The following STAR variants were observed in gnomAD, a reference collection of about 807,000 sequenced individuals.
STAR encodes steroidogenic acute regulatory protein.
A neutral mutation model predicts 32.3 loss-of-function variants in STAR; 32 were observed. That is an observed-to-expected ratio of 0.99 (90% CI 0.75 to 1.33). The LOEUF is 1.33. Ranked by LOEUF, STAR falls within the 40% of genes most tolerant of loss-of-function variation. The pLI, the probability that STAR is intolerant of heterozygous loss-of-function variation, is 0.00. For missense variants in STAR, 375 were observed against 379.0 expected (o/e 0.99, Z 0.09); for synonymous variants, 134 against 140.5 (o/e 0.95, Z 0.33).
intron 6 of STAR, 99 bp from the exon 7 acceptor site, chr8:38,144,485 G>C (rs183292899): frequency 6.5e-7 from 1 of 1,531,018 alleles, no homozygotes; most frequent in Non-Finnish European, 8.8e-7. Flanking sequence ...CTTGGTCTTC[G>C]AGCTCTGTTA....
chr8:38,146,541 G>A, intron 3 of STAR, 94 bp from the exon 4 acceptor site: 1 of 1,396,528 alleles, frequency 7.2e-7, no homozygotes, highest in South Asian at 1.2e-5. Context: ...ACTTTGGGAG[G>A]CCAAGGTGGG....
intron 3 of STAR, among the ~76,000 whole-genome samples, chr8:38,147,508 G>A (rs1424834288): frequency 6.6e-6 from 1 of 152,200 alleles, no homozygotes; most frequent in East Asian, 1.9e-4. Context: ...GTCAGTGATT[G>A]GCCCAGGGAC....
intron 1 of STAR, among the ~76,000 whole-genome samples, chr8:38,150,080 C>G (rs1802640774): frequency 1.3e-5 from 2 of 152,006 alleles, no homozygotes; most frequent in Admixed American, 1.3e-4. Context: ...CAGAGTGAGA[C>G]TCCATCTCAA....
chr8:38,146,166 C>G lies in STAR; in HGVS notation c.466-19G>C. 6.2e-7 allele frequency: 1 copy of G among 1,613,760 alleles called. No homozygotes were observed. Among genetic ancestry groups the G allele is most frequent in the Non-Finnish European group, 8.5e-7 (1 of 1,179,896 alleles). On this transcript the variant is annotated intron_variant, in intron 4 of 6. Coordinates refer to ENST00000276449, the MANE Select transcript of STAR (RefSeq NM_000349.3). ...GCAGGACCTACCAGGCCATGGGGAA[C>G]CAGAATCACGACTCAGCCTGTGTTG... is the stretch of plus-strand genomic sequence containing the variant.
chr8:38,147,525 C>T (rs912877755), intron 3 of STAR, among the ~76,000 whole-genome samples: 3 of 152,234 alleles, frequency 2.0e-5, no homozygotes, highest in Admixed American at 6.5e-5. Flanking sequence ...GGACCCTTAA[C>T]TAAGAGCAGT....
At chr8:38,144,440 G>C in intron 6 of STAR, 54 bp from the exon 7 acceptor site, 1 of 1,550,266 alleles carries the variant, frequency 6.5e-7, no homozygotes, top group Non-Finnish European at 8.7e-7. Context: ...GCCCACTCTT[G>C]ACACTGCACC....
chr8:38,148,992 G>A, intron 1 of STAR: 1 of 544,190 alleles, frequency 1.8e-6, no homozygotes, highest in Non-Finnish European at 3.3e-6. Flanking sequence ...GGCCCTGCCT[G>A]GAGATGGGCT....
At chr8:38,146,250 C>T (rs1378263746) in intron 4 of STAR, 39 bp downstream of exon 4, 2 of 1,613,972 alleles carry the variant, frequency 1.2e-6, no homozygotes, top group South Asian at 1.1e-5. Flanking sequence ...ACACTGGGCT[C>T]TCCTGGGCCC....
In STAR at chr8:38,145,213, G is replaced by A. The variant is rs757187113; in HGVS notation, c.744+9C>T. On this transcript the variant is annotated intron_variant, in intron 6 of 6. Coordinates refer to ENST00000276449, the MANE Select transcript of STAR (RefSeq NM_000349.3). ...CCTGCCTTCCAGGTCCCCCTCCCAT[G>A]CCCTTCACCTTGAGGTCGATGCTGA... The A allele has an allele frequency of 6.2e-7, 1 of 1,614,032 alleles. No individual in the cohort carries two copies. The highest frequency in any genetic ancestry group is 2.2e-5 in the East Asian group (1 of 44,868).
At chr8:38,145,414 T>G in intron 5 of STAR, 99 bp from the exon 6 acceptor site, 1 of 1,522,526 alleles carries the variant, frequency 6.6e-7, no homozygotes, top group Non-Finnish European at 9.0e-7. Context: ...CTACGGTACC[T>G]TGTCTTTTCT....
intron 2 of STAR, 124 bp from the exon 3 acceptor site, chr8:38,148,451 C>A: frequency 6.6e-7 from 1 of 1,515,984 alleles, no homozygotes; most frequent in Non-Finnish European, 9.0e-7. Context: ...TAGGGGCCAG[C>A]CTGCTGGTCG....
intron 1 of STAR, among the ~76,000 whole-genome samples, chr8:38,149,359 GA>G (rs1231447431): frequency 1.3e-5 from 2 of 152,184 alleles, no homozygotes; most frequent in Non-Finnish European, 2.9e-5. Flanking sequence ...AGTGTAATTG[GA>G]AAGATCGTGC....
Position 38,146,335 on chromosome 8 carries a change from C to A in STAR, c.419G>T (p.Arg140Leu). The A allele has an allele frequency of 1.2e-6, 2 of 1,614,132 alleles. No homozygotes were observed. Among genetic ancestry groups the A allele is most frequent in the Non-Finnish European group, 1.7e-6 (2 of 1,180,040 alleles). ...MERLYEELVE[R>L]MEAMGEWNPN... ...GTTCCACTCCCCCATTGCTTCCATG[C>A]GCTCCACGAGCTCTTCATAGAGCCT... is the stretch of plus-strand genomic sequence containing the variant. The change falls in exon 4 of 7, where the codon CGC (arginine) becomes CTC (leucine). Residue 140 changes from arginine (R) to leucine (L), a missense_variant. Transcript: ENST00000276449.
rs2130611314 is a variant in STAR, at chr8:38,144,403, G to T, written c.745-17C>A. 6.4e-7 allele frequency: 1 copy of T among 1,573,464 alleles called. No homozygotes were observed. The highest frequency in any genetic ancestry group is 1.2e-5 in the South Asian group (1 of 85,758). On this transcript the variant is annotated splice_polypyrimidine_tract_variant and intron_variant, in intron 6 of 6. Coordinates refer to ENST00000276449, the MANE Select transcript of STAR (RefSeq NM_000349.3). ...CAGCCACCCCTGCAGTAGGAGGTAG[G>T]AGAATTTGGCCATCTTGTGGGTTTT...
In STAR at chr8:38,144,387, C is replaced by G. The variant is rs374297649; in HGVS notation, c.745-1G>C. On this transcript the variant is annotated splice_acceptor_variant, in intron 6 of 6. Coordinates refer to ENST00000276449, the MANE Select transcript of STAR (RefSeq NM_000349.3). LOFTEE classifies it high-confidence loss of function. ...TGATGATGCTCTTGGGCAGCCACCCCTGCAGTAGGAGGTAGGAGAATTTGG... is the reference window on the plus strand; with the variant it reads ...TGATGATGCTCTTGGGCAGCCACCCGTGCAGTAGGAGGTAGGAGAATTTGG... 1.9e-6 allele frequency: 3 copies of G among 1,589,288 alleles called. No homozygotes were observed. The African/African-American group carries it at 4.0e-5, about 21-fold the overall frequency.
At position 38,150,809 on chromosome 8, in the gene STAR, C is replaced by A; in HGVS notation, c.10G>T (p.Ala4Ser). 1 of 1,606,222 alleles carries A rather than the reference C, an allele frequency of 6.2e-7. No homozygotes were observed. Among genetic ancestry groups the A allele is most frequent in the East Asian group, 2.2e-5 (1 of 44,874 alleles). ...CTCCCAGCGCACAGCTTGAATGTCG[C>A]TAGCAGCATTGTTTCCTGGCAAATG... Reference protein sequence around the residue: MLLATFKLCAGSSY... With the variant: MLLSTFKLCAGSSY... The change falls in exon 1 of 7, where the codon GCG becomes TCG. Residue 4 changes from alanine to serine, a missense_variant. Transcript: ENST00000276449.
chr8:38,148,171 G>A (rs1802606083), intron 3 of STAR, 29 bp downstream of exon 3: 1 of 1,613,338 alleles, frequency 6.2e-7, no homozygotes, highest in Non-Finnish European at 8.5e-7. Context: ...GGAGCATGGA[G>A]GAACCACAGG....
At chr8:38,145,739 C>G in intron 5 of STAR, 1 of 627,090 alleles carries the variant, frequency 1.6e-6, no homozygotes, top group African/African-American at 1.8e-5. Flanking sequence ...TATTAAGGTT[C>G]TTAAACTTTC....
chr8:38,147,988 T>C lies in STAR; in HGVS notation c.306+212A>G, dbSNP rs147995396. 3.7e-4 allele frequency among the ~76,000 whole-genome samples: 57 copies of C among 152,340 alleles called. 2 individuals carry two copies. In the East Asian group the frequency reaches 0.01, roughly 27 times the overall value. Reference sequence around the variant, plus strand: ...TGTAACTAAGGACACAGGAATAGTGTTTCTCAAACAGGACTCTCCAGGGTG... The same window carrying C: ...TGTAACTAAGGACACAGGAATAGTGCTTCTCAAACAGGACTCTCCAGGGTG... On this transcript the variant is annotated intron_variant, in intron 3 of 6. Coordinates refer to ENST00000276449, the MANE Select transcript of STAR (RefSeq NM_000349.3).
Sources: allele counts gnomAD v4.1 joint callset (sites outside exome capture counted in the v4.1 genomes callset), GRCh38; gene constraint gnomAD v4.1.1; transcripts MANE v1.5; gene names NCBI Gene and HGNC (gene_info 2026-07-23, HGNC 2026-07-21).